LRP5: variants seen among roughly 807,000 people sequenced by gnomAD.
LRP5 encodes the protein LDL receptor related protein 5.
A neutral mutation model predicts 154.1 loss-of-function variants in LRP5; 62 were observed. The observed-to-expected ratio is 0.40, with a 90% CI of 0.33 to 0.50. The LOEUF (loss-of-function observed/expected upper bound fraction) is 0.50, where lower values mean the gene tolerates loss of function less well. Among genes scored for constraint, LRP5 ranks in the 20% least tolerant of loss-of-function variants. The pLI is 0.55. For missense variants in LRP5, 1,915 were observed against 2,336.7 expected (o/e 0.82, Z 3.72); for synonymous variants, 966 against 1,011.5 (o/e 0.96, Z 0.85).
Position 68,386,187 on chromosome 11 carries a change from A to G in LRP5, c.1016-129A>G. On this transcript the variant is annotated intron_variant, in intron 5 of 22. Coordinates refer to ENST00000294304, the MANE Select transcript of LRP5 (RefSeq NM_002335.4). The surrounding 1 kb of genome is among the most constrained non-coding windows in gnomAD (Gnocchi z 7.9). ...ATGGGCTGGGTGCGTGTCACCTAAC[A>G]TCACCAGCCTTTGCAAGGAGAGCCC... is the stretch of plus-strand genomic sequence containing the variant. 1 of 1,147,234 alleles carries G rather than the reference A, an allele frequency of 8.7e-7. No homozygotes were observed. The highest frequency in any genetic ancestry group is 1.3e-6 in the Non-Finnish European group (1 of 781,404). 71.1% of individuals were successfully genotyped at this position (1,147,234 alleles called of 1,614,324 possible). A position where few individuals can be genotyped will look rare whatever the true frequency, so the allele number is the denominator to read the frequency against.
At chr11:68,330,125 G>A (rs1283349438) in intron 1 of LRP5, among the ~76,000 whole-genome samples, 2 of 152,184 alleles carry the variant, frequency 1.3e-5, no homozygotes, top group African/African-American at 4.8e-5. Context: ...GAGTATGTGT[G>A]CACGTGTGTG....
intron 1 of LRP5, among the ~76,000 whole-genome samples, chr11:68,322,067 A>G (rs1295650172): frequency 6.6e-6 from 1 of 152,198 alleles, no homozygotes; most frequent in Admixed American, 6.5e-5. Flanking sequence ...CTGCGGGTAA[A>G]GGCCATTTCT....
chr11:68,426,019 C>T lies in LRP5; in HGVS notation c.3469C>T (p.Pro1157Ser), dbSNP rs761157531. 1 of 1,613,244 alleles carries T rather than the reference C, an allele frequency of 6.2e-7. No individual in the cohort carries two copies. The change falls in exon 16 of 23, where the codon CCT becomes TCT. Residue 1157 changes from proline (P) to serine (S), a missense_variant. Pro to Ser is a moderately conservative substitution (Grantham distance 74). This residue lies in a region of LRP5 where 1,094 missense variants were observed against 1,210.1 expected (regional missense o/e 0.90). Coordinates refer to ENST00000294304, the MANE Select transcript of LRP5 (RefSeq NM_002335.4). ...CCTGGAGGACGCCAACATCGTGCAGCCTCTGGGCCTGACCATCCTTGGCAA... is the reference window on the plus strand; with the variant it reads ...CCTGGAGGACGCCAACATCGTGCAGTCTCTGGGCCTGACCATCCTTGGCAA... The part of the protein sequence containing the change: ...LTLEDANIVQ[P>S]LGLTILGKHL...
chr11:68,387,259 T>C (rs2098643589), intron 6 of LRP5, among the ~76,000 whole-genome samples: 1 of 151,994 alleles, frequency 6.6e-6, no homozygotes, highest in Non-Finnish European at 1.5e-5. Flanking sequence ...GGATTACAGG[T>C]GCCTGCCACT....
intron 1 of LRP5, among the ~76,000 whole-genome samples, chr11:68,326,747 G>C (rs775455408): frequency 3.3e-5 from 5 of 152,252 alleles, no homozygotes; most frequent in African/African-American, 4.8e-5. Flanking sequence ...GTGAGCCCAG[G>C]TGGGACCACC....
In LRP5 at chr11:68,363,861, T is replaced by TG. The variant is rs1397790447; in HGVS notation, c.807dup (p.Lys270GlufsTer31). The TG allele has an allele frequency of 2.5e-6, 4 of 1,612,072 alleles. No homozygotes were observed. Among genetic ancestry groups the TG allele is most frequent in the Non-Finnish European group, 8.5e-7 (1 of 1,179,548 alleles). On this transcript the variant is annotated frameshift_variant, in exon 4 of 23. Transcript: ENST00000294304. LOFTEE classifies it high-confidence loss of function. Reference sequence around the variant, plus strand: ...CCATCCATGCCTGCAACAAGCGCACTGGGGGGAAGAGGAAGGAGATCCTGA... The same window carrying TG: ...CCATCCATGCCTGCAACAAGCGCACTGGGGGGGAAGAGGAAGGAGATCCTGA...
At chr11:68,410,198 G>C in intron 10 of LRP5, 58 bp downstream of exon 10, 1 of 1,416,066 alleles carries the variant, frequency 7.1e-7, no homozygotes, top group Admixed American at 1.9e-5. Context: ...ACAGTGCGGG[G>C]GTGCCAACTG....
At chr11:68,317,469 C>T (rs931225423) in intron 1 of LRP5, among the ~76,000 whole-genome samples, 2 of 151,762 alleles carry the variant, frequency 1.3e-5, no homozygotes, top group Non-Finnish European at 2.9e-5. Context: ...TGGTTGCCCC[C>T]GAGGGGGCCT....
rs376506080 is a variant in LRP5, at chr11:68,437,034, G to A, written c.4111+35G>A. On this transcript the variant is annotated intron_variant, in intron 19 of 22. Coordinates refer to ENST00000294304, the MANE Select transcript of LRP5 (RefSeq NM_002335.4). ...CTTCTGGCACGGGGAAGGGGCGTCC[G>A]GGCTGGGTTCCCCCAGGAACGTGGA... is the stretch of plus-strand genomic sequence containing the variant. The A allele has an allele frequency of 1.6e-5, 26 of 1,577,178 alleles. 1 individual carries two copies. The highest frequency in any genetic ancestry group is 1.1e-4 in the South Asian group (10 of 90,356).
chr11:68,413,723 G>A lies in LRP5; in HGVS notation c.2538G>A (p.Pro846=), dbSNP rs748439020. The A allele has an allele frequency of 2.7e-5, 43 of 1,613,552 alleles. No homozygotes were observed. Among genetic ancestry groups the A allele is most frequent in the African/African-American group, 5.3e-5 (4 of 74,920 alleles). ...GGGTCGTGATTGCCGACGATCTCCC[G>A]CACCCGTTCGGTCTGACGCAGTACA... The part of the protein sequence containing the change: ...QERVVIADDL[P]HPFGLTQYSD... The change falls in exon 12 of 23, where the codon CCG becomes CCA. Residue 846 remains proline, a synonymous_variant. Coordinates refer to ENST00000294304, the MANE Select transcript of LRP5 (RefSeq NM_002335.4). This position sits in a 1 kb window ranked among gnomAD's most constrained non-coding sequence, Gnocchi z 5.1.
intron 1 of LRP5, among the ~76,000 whole-genome samples, chr11:68,346,642 C>G (rs751810950): frequency 1.3e-5 from 2 of 152,216 alleles, no homozygotes; most frequent in African/African-American, 4.8e-5. Context: ...CTGGGCTCCC[C>G]CATCTGCGCA....
intron 1 of LRP5, among the ~76,000 whole-genome samples, chr11:68,321,984 C>T (rs2098597009): frequency 1.3e-5 from 2 of 152,212 alleles, no homozygotes; most frequent in South Asian, 2.1e-4. Flanking sequence ...ACTGTCTCCT[C>T]TAGGGGACCT....
At chr11:68,313,316 T>C (rs2098590159) in intron 1 of LRP5, among the ~76,000 whole-genome samples, 1 of 151,950 alleles carries the variant, frequency 6.6e-6, no homozygotes, top group Non-Finnish European at 1.5e-5. Flanking sequence ...GTGGCGCTGC[T>C]CCTGTGAGCC....
At chr11:68,417,496 C>G (rs1185394494) in intron 13 of LRP5, among the ~76,000 whole-genome samples, 4 of 112,290 alleles carry the variant, frequency 3.6e-5, no homozygotes, top group Non-Finnish European at 6.6e-5. Context: ...GAGTCTCACT[C>G]TGTCACCAGC....
Position 68,443,503 on chromosome 11 carries a change from AAAAAG to A in LRP5, c.4489-2919_4489-2915del, listed in dbSNP as rs767471712. Among the ~76,000 whole-genome samples the A allele has an allele frequency of 1.2e-3, 165 of 133,136 alleles. 2 individuals carry two copies. The highest frequency in any genetic ancestry group is 3.8e-3 in the Middle Eastern group (1 of 262). The allele number at this position is 133,136 out of a possible 152,430, so 87.3% of individuals were successfully genotyped here. Reference sequence around the variant, plus strand: ...AGACTCTGTCTCAAAAAAAAAAAAAAAAAAGAAAAGAAAAGAAATTATCAATCTCC... The same window carrying A: ...AGACTCTGTCTCAAAAAAAAAAAAAAAAAAGAAAAGAAATTATCAATCTCC... On this transcript the variant is annotated intron_variant, in intron 21 of 22. Transcript: ENST00000294304.
intron 2 of LRP5, 41 bp downstream of exon 2, chr11:68,348,284 G>A: frequency 6.3e-7 from 1 of 1,599,482 alleles, no homozygotes; most frequent in South Asian, 1.1e-5. Flanking sequence ...AGGGGGCGGG[G>A]AGTGTCACCA....
chr11:68,412,007 C>T (rs949019261), intron 11 of LRP5, among the ~76,000 whole-genome samples: 5 of 152,164 alleles, frequency 3.3e-5, no homozygotes, highest in Admixed American at 6.5e-5. Context: ...CAGGATCCCC[C>T]AGAGATACCA....
chr11:68,382,048 G>A (rs1354602486), intron 5 of LRP5, among the ~76,000 whole-genome samples: 2 of 152,340 alleles, frequency 1.3e-5, no homozygotes, highest in South Asian at 4.1e-4. Flanking sequence ...AGGCAAATGG[G>A]TTGGATCCTG....
intron 10 of LRP5, among the ~76,000 whole-genome samples, chr11:68,410,716 G>A (rs2098658965): frequency 6.6e-6 from 1 of 152,170 alleles, no homozygotes; most frequent in Non-Finnish European, 1.5e-5. Context: ...TGGGCACGGG[G>A]TTCAGACAGG....
Sources: allele counts gnomAD v4.1 joint callset (sites outside exome capture counted in the v4.1 genomes callset), GRCh38; gene constraint gnomAD v4.1.1; regional missense constraint gnomAD v4.1.1; non-coding constraint Gnocchi (gnomAD v3.1); transcripts MANE v1.5; gene names NCBI Gene and HGNC (gene_info 2026-07-23, HGNC 2026-07-21).